Variants in ABTB3 observed in about 807,000 individuals in gnomAD.
The protein encoded by ABTB3 is ankyrin repeat and BTB domain containing 3.
the ABTB3 span, among the ~76,000 whole-genome samples, chr12:107,623,156 G>C: frequency 6.6e-6 from 1 of 151,054 alleles, no homozygotes; most frequent in Non-Finnish European, 1.5e-5. Context: ...TGCCTCCCAG[G>C]TTCAAGCAAT....
chr12:107,414,415 C>T, the ABTB3 span, among the ~76,000 whole-genome samples: 4 of 152,126 alleles, frequency 2.6e-5, no homozygotes, highest in African/African-American at 9.7e-5. Context: ...CTTACAAAGC[C>T]TTGCATTACT....
At chr12:107,582,396 TAG>T in the ABTB3 span, among the ~76,000 whole-genome samples, 268 of 152,252 alleles carry the variant, frequency 1.8e-3, 4 homozygotes, top group South Asian at 7.9e-3. Flanking sequence ...TAGTAAATAA[TAG>T]AGTCAGGATA....
At chr12:107,591,608 G>A in the ABTB3 span, among the ~76,000 whole-genome samples, 1 of 152,160 alleles carries the variant, frequency 6.6e-6, no homozygotes, top group Non-Finnish European at 1.5e-5. Context: ...ATGAGATTTG[G>A]GCAAGGACAC....
the ABTB3 span, among the ~76,000 whole-genome samples, chr12:107,516,054 T>C: frequency 1.6e-3 from 186 of 118,270 alleles, 2 homozygotes; most frequent in South Asian, 0.023. Flanking sequence ...TGTGTGTGTG[T>C]GCGCACACAC....
the ABTB3 span, among the ~76,000 whole-genome samples, chr12:107,426,604 G>T: frequency 6.6e-6 from 1 of 152,130 alleles, no homozygotes; most frequent in African/African-American, 2.4e-5. Flanking sequence ...GACCACGTTT[G>T]GGTTTACTGA....
At chr12:107,620,096 G>C in the ABTB3 span, 1 of 1,614,216 alleles carries the variant, frequency 6.2e-7, no homozygotes, top group Non-Finnish European at 8.5e-7. Context: ...CATTCAGGAG[G>C]AGGAATACAC....
the ABTB3 span, among the ~76,000 whole-genome samples, chr12:107,416,000 G>A: frequency 1.2e-4 from 18 of 152,100 alleles, no homozygotes; most frequent in Non-Finnish European, 1.9e-4. Flanking sequence ...GGCATTTTAC[G>A]CTCTGTTTCA....
At chr12:107,476,746 C>T in the ABTB3 span, among the ~76,000 whole-genome samples, 1 of 151,288 alleles carries the variant, frequency 6.6e-6, no homozygotes, top group Non-Finnish European at 1.5e-5. Flanking sequence ...GCTCTCATCC[C>T]CCACCCCCAA....
At chr12:107,522,833 G>A in the ABTB3 span, among the ~76,000 whole-genome samples, 2 of 151,408 alleles carry the variant, frequency 1.3e-5, no homozygotes, top group African/African-American at 4.9e-5. Context: ...GGGAAGGAGG[G>A]AGGGAAAAGA....
chr12:107,544,174 G>A, the ABTB3 span: 1 of 1,601,210 alleles, frequency 6.2e-7, no homozygotes, highest in Non-Finnish European at 8.5e-7. Flanking sequence ...GTGGTGGGTG[G>A]GTACTGCCTC....
chr12:107,412,972 A>G, the ABTB3 span, among the ~76,000 whole-genome samples: 4 of 151,938 alleles, frequency 2.6e-5, no homozygotes, highest in Admixed American at 2.6e-4. Context: ...AAAATCTCCA[A>G]CTGATTTTAA....
At chr12:107,522,646 C>A in the ABTB3 span, among the ~76,000 whole-genome samples, 1 of 151,518 alleles carries the variant, frequency 6.6e-6, no homozygotes, top group South Asian at 2.1e-4. Context: ...ACCCCAGCAC[C>A]AGGAATACTG....
At chr12:107,621,571 G>A in the ABTB3 span, among the ~76,000 whole-genome samples, 3 of 152,214 alleles carry the variant, frequency 2.0e-5, no homozygotes, top group South Asian at 6.2e-4. Context: ...CGTTCTTAAA[G>A]TAAACTTTAC....
the ABTB3 span, among the ~76,000 whole-genome samples, chr12:107,441,901 C>G: frequency 6.6e-6 from 1 of 151,820 alleles, no homozygotes; most frequent in Non-Finnish European, 1.5e-5. Context: ...GATCACACCA[C>G]TATACTTCAG....
chr12:107,530,645 C>CT, the ABTB3 span, among the ~76,000 whole-genome samples: 1 of 152,074 alleles, frequency 6.6e-6, no homozygotes, highest in Non-Finnish European at 1.5e-5. Context: ...TATGAGGATT[C>CT]TTTTTTTGGT....
the ABTB3 span, among the ~76,000 whole-genome samples, chr12:107,614,267 C>T: frequency 6.6e-6 from 1 of 152,142 alleles, no homozygotes; most frequent in African/African-American, 2.4e-5. Flanking sequence ...AGGCCTCCAT[C>T]CTGAAAGACC....
the ABTB3 span, chr12:107,615,289 T>C: frequency 1.5e-6 from 1 of 678,906 alleles, no homozygotes; most frequent in South Asian, 1.9e-5. Flanking sequence ...TTCAATATAG[T>C]ATATTCATAT....
At chr12:107,538,493 G>C in the ABTB3 span, among the ~76,000 whole-genome samples, 1 of 152,162 alleles carries the variant, frequency 6.6e-6, no homozygotes, top group African/African-American at 2.4e-5. Flanking sequence ...AGCTGTCTGG[G>C]CTCCTCCAAC....
the ABTB3 span, among the ~76,000 whole-genome samples, chr12:107,411,835 AT>A: frequency 6.6e-6 from 1 of 152,154 alleles, no homozygotes; most frequent in South Asian, 2.1e-4. Flanking sequence ...GGCTTGATCT[AT>A]GTCTCTGATT....
Sources: allele counts gnomAD v4.1 joint callset (sites outside exome capture counted in the v4.1 genomes callset), GRCh38; gene constraint gnomAD v4.1.1; transcripts MANE v1.5; gene names NCBI Gene and HGNC (gene_info 2026-07-23, HGNC 2026-07-21).